SLCO2A1: variants seen among roughly 807,000 people sequenced by gnomAD.
SLCO2A1 encodes the protein matrin F/G 1.
A neutral mutation model predicts 71.7 loss-of-function variants in SLCO2A1; 60 were observed. The ratio of observed to expected loss-of-function variants is 0.84; its 90% confidence interval spans 0.68 to 1.04. The LOEUF is 1.04. SLCO2A1 is among the 50% of genes least tolerant of loss of function. SLCO2A1 has a pLI of 0.00. For missense variants in SLCO2A1, 745 were observed against 813.4 expected (o/e 0.92, Z 1.02); for synonymous variants, 308 against 326.7 (o/e 0.94, Z 0.62).
At chr3:133,966,630 CCT>C (rs528677117) in intron 3 of SLCO2A1, among the ~76,000 whole-genome samples, 388 of 152,336 alleles carry the variant, frequency 2.5e-3, no homozygotes, top group African/African-American at 9.0e-3. Context: ...AGGCTCACAT[CCT>C]CTCTGACTGT....
At chr3:133,950,962 C>T (rs1933730244) in intron 6 of SLCO2A1, 1 of 497,686 alleles carries the variant, frequency 2.0e-6, no homozygotes, top group South Asian at 2.1e-5. Flanking sequence ...CAAACTGTTC[C>T]CTGGAGGTCT....
chr3:134,017,947 G>A (rs1003093013), intron 1 of SLCO2A1, among the ~76,000 whole-genome samples: 1 of 152,210 alleles, frequency 6.6e-6, no homozygotes, highest in African/African-American at 2.4e-5. Flanking sequence ...ACAAAAGACA[G>A]TGATCAGAAA....
At chr3:133,938,254 C>A (rs1220824292) in intron 12 of SLCO2A1, among the ~76,000 whole-genome samples, 175 bp downstream of exon 12, 2 of 152,182 alleles carry the variant, frequency 1.3e-5, no homozygotes, top group African/African-American at 4.8e-5. Context: ...TTCCTAACCT[C>A]AAGCAATCTG....
intron 1 of SLCO2A1, among the ~76,000 whole-genome samples, chr3:134,019,539 C>T (rs975697222): frequency 6.6e-6 from 1 of 152,182 alleles, no homozygotes; most frequent in Non-Finnish European, 1.5e-5. Context: ...GGTACTGATC[C>T]TGACAGCACA....
At position 133,947,397 on chromosome 3, in the gene SLCO2A1, A is replaced by C. The variant is rs1375512461; in HGVS notation, c.1154T>G (p.Ile385Ser). The stretch of plus-strand genomic sequence containing the variant: ...AGAGAAAACAAAGCGCTTCATGAGG[A>C]TTCCTCCAAACAGCATCCCCAAGGC... ...AAALGMLFGG[I>S]LMKRFVFSLQ... Residue 385 changes from isoleucine to serine, a missense_variant, in exon 9 of 14, where the codon ATC becomes AGC. By Grantham distance (142) the Ile-to-Ser change is moderately radical. Coordinates refer to ENST00000310926, the MANE Select transcript of SLCO2A1 (RefSeq NM_005630.3). 6.2e-7 allele frequency: 1 copy of C among 1,613,884 alleles called. No individual in the cohort carries two copies. Among genetic ancestry groups the C allele is most frequent in the African/African-American group, 1.3e-5 (1 of 74,854 alleles).
intron 3 of SLCO2A1, among the ~76,000 whole-genome samples, chr3:133,966,580 C>T (rs145209478): frequency 9.3e-4 from 141 of 152,352 alleles, no homozygotes; most frequent in African/African-American, 2.7e-3. Context: ...TCCTCTGTCA[C>T]GCTAACTTCT....
Position 133,933,386 on chromosome 3 carries a change from A to G in SLCO2A1, c.*1327T>C, listed in dbSNP as rs1280445738. 6.6e-6 allele frequency: 1 copy of G among 152,248 alleles called. No homozygotes were observed. Among genetic ancestry groups the G allele is most frequent in the Non-Finnish European group, 1.5e-5 (1 of 68,100 alleles). The allele number at this position is 152,248 out of a possible 1,614,324, so 9.4% of individuals were successfully genotyped here. On this transcript the variant is annotated 3_prime_UTR_variant, in exon 14 of 14. Coordinates refer to ENST00000310926, the MANE Select transcript of SLCO2A1 (RefSeq NM_005630.3). ...GAGCACACCCTGGGAGAAGGCCCTA[A>G]TGTAAATGGAGGGAGGTGAGGTAAG...
At chr3:133,947,992 A>G (rs1191488273) in intron 8 of SLCO2A1, among the ~76,000 whole-genome samples, 1 of 152,114 alleles carries the variant, frequency 6.6e-6, no homozygotes. Context: ...TTCTCAACAC[A>G]GTTGAAAAAA....
chr3:133,985,697 C>G (rs1219733512), intron 1 of SLCO2A1, among the ~76,000 whole-genome samples: 6 of 152,138 alleles, frequency 3.9e-5, no homozygotes, highest in African/African-American at 7.2e-5. Flanking sequence ...TTTTTTAGAA[C>G]AAATCCACAG....
At chr3:133,999,995 A>AAAAAC (rs1395393884) in intron 1 of SLCO2A1, among the ~76,000 whole-genome samples, 60 of 152,344 alleles carry the variant, frequency 3.9e-4, no homozygotes, top group East Asian at 5.8e-4. Context: ...GGGACAAGGC[A>AAAAAC]AAAACAAAAC....
chr3:134,028,497 C>T (rs571093730), intron 1 of SLCO2A1, among the ~76,000 whole-genome samples: 4 of 152,260 alleles, frequency 2.6e-5, no homozygotes, highest in South Asian at 2.1e-4. Flanking sequence ...GTATTTATTG[C>T]GGTGCGGAAA....
intron 1 of SLCO2A1, among the ~76,000 whole-genome samples, chr3:133,999,017 C>A (rs891025668): frequency 6.6e-6 from 1 of 152,332 alleles, no homozygotes. Context: ...GGCCTTCTTG[C>A]CTGCCTAGCT....
At chr3:134,011,606 G>GC (rs1285339683) in intron 1 of SLCO2A1, among the ~76,000 whole-genome samples, 2 of 152,222 alleles carry the variant, frequency 1.3e-5, no homozygotes, top group Admixed American at 1.3e-4. Flanking sequence ...ACTTGGACCT[G>GC]CCACATACCA....
At chr3:134,001,463 G>A (rs1484002433) in intron 1 of SLCO2A1, among the ~76,000 whole-genome samples, 2 of 152,126 alleles carry the variant, frequency 1.3e-5, no homozygotes, top group Non-Finnish European at 2.9e-5. Context: ...GGCTGCACCG[G>A]ACTGGACTTT....
At chr3:133,951,119 G>C in intron 6 of SLCO2A1, 89 bp downstream of exon 6, 1 of 1,548,454 alleles carries the variant, frequency 6.5e-7, no homozygotes, top group South Asian at 1.1e-5. Flanking sequence ...TGCTTAACAT[G>C]CTGCAGCTTT....
intron 1 of SLCO2A1, among the ~76,000 whole-genome samples, chr3:134,010,555 C>T (rs1004932322): frequency 2.0e-5 from 3 of 152,020 alleles, no homozygotes; most frequent in Admixed American, 6.6e-5. Flanking sequence ...ACTTCAAGAC[C>T]AGCCTGACCA....
chr3:133,961,264 T>C (rs1934027860), intron 3 of SLCO2A1, among the ~76,000 whole-genome samples: 1 of 152,036 alleles, frequency 6.6e-6, no homozygotes, highest in African/African-American at 2.4e-5. Flanking sequence ...GGTGAATGCA[T>C]AGCCCAGAGG....
chr3:134,003,963 C>T (rs960931647), intron 1 of SLCO2A1, among the ~76,000 whole-genome samples: 1 of 152,208 alleles, frequency 6.6e-6, no homozygotes, highest in Non-Finnish European at 1.5e-5. Flanking sequence ...TCCCTGTGTA[C>T]AGCAGCTTTT....
At position 133,934,711 on chromosome 3, in the gene SLCO2A1, G is replaced by A; in HGVS notation, c.*2C>T. The A allele has an allele frequency of 1.2e-6, 2 of 1,609,282 alleles. No individual in the cohort carries two copies. Among genetic ancestry groups the A allele is most frequent in the Non-Finnish European group, 1.7e-6 (2 of 1,175,984 alleles). ...GGAGCAGGGCAGTGGCCCAGGGTGGGGTCAGATGAGGCCTGCCGCCTTCTG... is the reference window on the plus strand; with the variant it reads ...GGAGCAGGGCAGTGGCCCAGGGTGGAGTCAGATGAGGCCTGCCGCCTTCTG... On this transcript the variant is annotated 3_prime_UTR_variant, in exon 14 of 14. Coordinates refer to ENST00000310926, the MANE Select transcript of SLCO2A1 (RefSeq NM_005630.3).
Sources: allele counts gnomAD v4.1 joint callset (sites outside exome capture counted in the v4.1 genomes callset), GRCh38; gene constraint gnomAD v4.1.1; transcripts MANE v1.5; gene names NCBI Gene and HGNC (gene_info 2026-07-23, HGNC 2026-07-21).